Variants in BAIAP2 observed in about 807,000 individuals in gnomAD.
The protein encoded by BAIAP2 is BAR/IMD domain-containing adapter protein 2.
Under a neutral mutation model 63.0 loss-of-function variants are expected in BAIAP2, and 18 were observed. That is an observed-to-expected ratio of 0.29 (90% CI 0.20 to 0.42). The LOEUF (loss-of-function observed/expected upper bound fraction) is 0.42, where lower values mean the gene tolerates loss of function less well. BAIAP2 is among the 10% of genes least tolerant of loss of function. The pLI, the probability that BAIAP2 is intolerant of heterozygous loss-of-function variation, is 1.00. For synonymous variants in BAIAP2, 386 were observed against 307.6 expected, an observed-to-expected ratio of 1.25 and a Z score of -2.67; for missense variants, 610 against 734.3, an observed-to-expected ratio of 0.83 and a Z score of 1.96.
At chr17:81,050,709 GCACACACA>G (rs903640310) in intron 1 of BAIAP2, among the ~76,000 whole-genome samples, 1 of 80,316 alleles carries the variant, frequency 1.2e-5, no homozygotes, top group Non-Finnish European at 3.2e-5. Flanking sequence ...CTGCAGCTCA[GCACACACA>G]CGCACACAAA....
chr17:81,043,258 C>G (rs2047334249), intron 1 of BAIAP2, among the ~76,000 whole-genome samples: 1 of 152,220 alleles, frequency 6.6e-6, no homozygotes, highest in African/African-American at 2.4e-5. Context: ...ACCCGTTTTT[C>G]CAGCCCCCTC....
intron 13 of BAIAP2, chr17:81,109,296 C>T: frequency 7.3e-6 from 9 of 1,230,034 alleles, no homozygotes; most frequent in Non-Finnish European, 9.1e-6. Flanking sequence ...CCTCACCCTG[C>T]AGTGTCTGTG....
chr17:81,072,967 A>G (rs1054155986), intron 3 of BAIAP2, among the ~76,000 whole-genome samples: 2 of 151,948 alleles, frequency 1.3e-5, no homozygotes, highest in African/African-American at 4.8e-5. Context: ...CCCTGATGAG[A>G]AAATGGCATC....
At chr17:81,090,321 C>T (rs147087398) in intron 6 of BAIAP2, among the ~76,000 whole-genome samples, 1 of 152,236 alleles carries the variant, frequency 6.6e-6, no homozygotes, top group African/African-American at 2.4e-5. Flanking sequence ...CATCAACCTT[C>T]TCACGGTGCC....
At chr17:81,070,427 G>A (rs2052386362) in intron 3 of BAIAP2, among the ~76,000 whole-genome samples, 1 of 152,248 alleles carries the variant, frequency 6.6e-6, no homozygotes, top group African/African-American at 2.4e-5. Flanking sequence ...CAAAAGGGAG[G>A]TGGAAATGTG....
chr17:81,043,830 C>T (rs545598176), intron 1 of BAIAP2, among the ~76,000 whole-genome samples: 2 of 152,362 alleles, frequency 1.3e-5, no homozygotes, highest in South Asian at 2.1e-4. Flanking sequence ...GCTCTCCAGC[C>T]GCGCGTCTGT....
chr17:81,053,895 T>C, intron 2 of BAIAP2, 152 bp downstream of exon 2: 1 of 518,378 alleles, frequency 1.9e-6, no homozygotes, highest in East Asian at 3.1e-5. Flanking sequence ...CTGGTAGAAC[T>C]GTGCCCGGGC....
intron 3 of BAIAP2, among the ~76,000 whole-genome samples, chr17:81,062,151 A>G (rs990118409): frequency 6.6e-6 from 1 of 152,052 alleles, no homozygotes; most frequent in Admixed American, 6.6e-5. Flanking sequence ...GGGTTTCACC[A>G]TGTTGTCCAG....
chr17:81,076,400 A>G (rs1423268704), intron 3 of BAIAP2: 1 of 152,132 alleles, frequency 6.6e-6, no homozygotes. Flanking sequence ...GACCTCCCAA[A>G]AGGTCAAGGG....
At chr17:81,070,629 C>G (rs540209579) in intron 3 of BAIAP2, among the ~76,000 whole-genome samples, 1 of 152,294 alleles carries the variant, frequency 6.6e-6, no homozygotes, top group South Asian at 2.1e-4. Context: ...CTGGGCTTGG[C>G]CAGGTCGCTC....
At chr17:81,036,839 A>G in intron 1 of BAIAP2, 1 of 1,521,964 alleles carries the variant, frequency 6.6e-7, no homozygotes, top group Non-Finnish European at 8.8e-7. Context: ...CATTAGCTCC[A>G]TTACGACTTG....
Position 81,057,972 on chromosome 17 carries a change from G to GGGGGGGGGGCCCC in BAIAP2, c.217+5_217+6insGGGGGGGGGCCCC, listed in dbSNP as rs2049867088. On this transcript the variant is annotated splice_donor_region_variant and intron_variant, in intron 3 of 13. Coordinates refer to ENST00000428708, the MANE Select transcript of BAIAP2 (RefSeq NM_001144888.2). ...GCCAGGGCTCCAAAGAACTCGGTGA[G>GGGGGGGGGGCCCC]ACCCCCCCCCCCCCCCCGCCTGGTA... 1.1e-6 allele frequency: 1 copy of GGGGGGGGGGCCCC among 904,702 alleles called. No individual in the cohort carries two copies. The highest frequency in any genetic ancestry group is 3.1e-5 in the African/African-American group (1 of 32,436). 56.0% of individuals were successfully genotyped at this position (904,702 alleles called of 1,614,324 possible).
Position 81,109,208 on chromosome 17 carries a change from C to T in BAIAP2, c.1535+699C>T, listed in dbSNP as rs536514337. The T allele has an allele frequency of 7.3e-5, 102 of 1,398,906 alleles. 2 individuals are homozygous for T. Among genetic ancestry groups the T allele is most frequent in the South Asian group, 7.1e-4 (44 of 61,888 alleles). The allele number at this position is 1,398,906 out of a possible 1,614,324, so 86.7% of individuals were successfully genotyped here. ...CCGCCCCCCCTCCCCTGTGTTTACGCGCCCCATCCTGTGTGTCCCAGCCTT... is the reference window on the plus strand; with the variant it reads ...CCGCCCCCCCTCCCCTGTGTTTACGTGCCCCATCCTGTGTGTCCCAGCCTT... On this transcript the variant is annotated intron_variant, in intron 13 of 13. Coordinates refer to ENST00000428708, the MANE Select transcript of BAIAP2 (RefSeq NM_001144888.2).
chr17:81,055,158 G>GT (rs2049264023), intron 2 of BAIAP2, among the ~76,000 whole-genome samples: 1 of 152,192 alleles, frequency 6.6e-6, no homozygotes, highest in South Asian at 2.1e-4. Context: ...CAGGTTAGAG[G>GT]TGTCAAGGAC....
At chr17:81,058,726 C>T (rs752483763) in intron 3 of BAIAP2, among the ~76,000 whole-genome samples, 1 of 152,244 alleles carries the variant, frequency 6.6e-6, no homozygotes, top group Non-Finnish European at 1.5e-5. Context: ...CCTCTGGTCA[C>T]GGAGGACAGG....
rs1375440094 is a variant in BAIAP2 at position 81,046,256 on chromosome 17, T to C, written c.55-7412T>C. ...CGCCGTTTCCTCCCAGAAACTTCCA[T>C]GCATCCCCTCGTTTCCTAAATCCGT... On this transcript the variant is annotated intron_variant, in intron 1 of 13. Coordinates refer to ENST00000428708, the MANE Select transcript of BAIAP2 (RefSeq NM_001144888.2). The surrounding 1 kb of genome is among the most constrained non-coding windows in gnomAD (Gnocchi z 4.5). Among the ~76,000 whole-genome samples, 1 of 152,112 alleles carries C rather than the reference T, an allele frequency of 6.6e-6. No individual in the cohort carries two copies. Among genetic ancestry groups the C allele is most frequent in the Non-Finnish European group, 1.5e-5 (1 of 68,002 alleles).
chr17:81,098,102 C>G, intron 6 of BAIAP2: 1 of 1,364,806 alleles, frequency 7.3e-7, no homozygotes, highest in Non-Finnish European at 9.5e-7. Context: ...GAGGGGCCAG[C>G]GGGGGGTGGG....
At chr17:81,102,755 A>G (rs1221824128) in intron 7 of BAIAP2, among the ~76,000 whole-genome samples, 1 of 152,142 alleles carries the variant, frequency 6.6e-6, no homozygotes, top group Non-Finnish European at 1.5e-5. Flanking sequence ...TGAAAGCCGG[A>G]GAGGCCCCCA....
chr17:81,104,194 C>A, intron 9 of BAIAP2, 86 bp downstream of exon 9: 2 of 1,389,826 alleles, frequency 1.4e-6, no homozygotes, highest in East Asian at 2.4e-5. Context: ...TCAATAGGGG[C>A]CTGGGAGACC....
Sources: allele counts gnomAD v4.1 joint callset (sites outside exome capture counted in the v4.1 genomes callset), GRCh38; gene constraint gnomAD v4.1.1; non-coding constraint Gnocchi (gnomAD v3.1); transcripts MANE v1.5; gene names NCBI Gene and HGNC (gene_info 2026-07-23, HGNC 2026-07-21).